The following FGF12 variants were observed in gnomAD, a reference collection of about 807,000 sequenced individuals.
FGF12 encodes the protein fibroblast growth factor 12, also known as fibroblast growth factor 12B.
In FGF12, 14 loss-of-function variants were observed where a neutral mutation model predicts 23.6. The ratio of observed to expected loss-of-function variants is 0.59; its 90% CI spans 0.39 to 0.93. The LOEUF is 0.93. Ranked by LOEUF, FGF12 falls within the 40% of genes least tolerant of loss-of-function variation. The pLI is 0.00. For missense variants in FGF12, 175 were observed against 217.8 expected (o/e 0.80, Z 1.24); for synonymous variants, 62 against 77.3 (o/e 0.80, Z 1.04).
chr3:192,483,685 G>A (rs985628017), intron 2 of FGF12, among the ~76,000 whole-genome samples: 3 of 152,136 alleles, frequency 2.0e-5, no homozygotes, highest in East Asian at 3.9e-4. Flanking sequence ...AAGTAGAAGT[G>A]TAGCTGAGGT....
intron 2 of FGF12, among the ~76,000 whole-genome samples, chr3:192,533,267 C>T (rs1271962526): frequency 6.6e-6 from 1 of 152,104 alleles, no homozygotes; most frequent in Middle Eastern, 3.2e-3. Context: ...ATCACTTCCC[C>T]CATAATTACT....
At chr3:192,349,173 A>C (rs1525909) in intron 3 of FGF12, among the ~76,000 whole-genome samples, 99,229 of 151,926 alleles carry the variant, frequency 0.65, 35,173 homozygotes, top group East Asian at 0.94. Context: ...ATAAGAAACT[A>C]CACTGCAATT....
At chr3:192,293,572 A>G (rs1011943886) in intron 4 of FGF12, among the ~76,000 whole-genome samples, 2 of 152,210 alleles carry the variant, frequency 1.3e-5, no homozygotes, top group African/African-American at 4.8e-5. Flanking sequence ...TCTTAAGAGA[A>G]TAATGCAGGT....
At chr3:192,507,374 CACACACAT>C (rs1207714431) in intron 2 of FGF12, among the ~76,000 whole-genome samples, 49 of 114,034 alleles carry the variant, frequency 4.3e-4, no homozygotes, top group African/African-American at 5.3e-4. Flanking sequence ...CACACACACA[CACACACAT>C]ACAAGCACAC....
At chr3:192,724,822 T>C (rs1317963247) in intron 2 of FGF12, among the ~76,000 whole-genome samples, 1 of 152,142 alleles carries the variant, frequency 6.6e-6, no homozygotes, top group Non-Finnish European at 1.5e-5. Context: ...ATGCTAGAGG[T>C]AATGTGAAAG....
At chr3:192,636,859 A>G (rs984501938) in intron 2 of FGF12, among the ~76,000 whole-genome samples, 38 of 152,216 alleles carry the variant, frequency 2.5e-4, no homozygotes, top group African/African-American at 8.9e-4. Context: ...GGATACAGTC[A>G]GTGTGGCCAG....
chr3:192,362,168 C>T lies in FGF12; in HGVS notation c.14-1630G>A, dbSNP rs189110994. Among the ~76,000 whole-genome samples the T allele has an allele frequency of 7.2e-5, 11 of 152,230 alleles. No homozygotes were observed. In the East Asian group the frequency reaches 1.9e-3, roughly 27 times the overall value. On this transcript the variant is annotated intron_variant, in intron 2 of 5. Coordinates refer to ENST00000445105, the MANE Select transcript of FGF12 (RefSeq NM_004113.6). The stretch of plus-strand genomic sequence containing the variant: ...CTTCAATGCATTTCCTCCATAGGCT[C>T]ATCTAATCCCACAACTATGGACAAG...
At chr3:192,529,514 T>C (rs1424300248) in intron 2 of FGF12, among the ~76,000 whole-genome samples, 1 of 152,226 alleles carries the variant, frequency 6.6e-6, no homozygotes, top group African/African-American at 2.4e-5. Context: ...TGTTACCCAG[T>C]TCCAAAGTTG....
intron 2 of FGF12, among the ~76,000 whole-genome samples, chr3:192,414,173 A>T (rs1721278173): frequency 6.6e-6 from 1 of 152,208 alleles, no homozygotes. Context: ...AGGTATTTTG[A>T]TAAGAAACAT....
chr3:192,397,200 T>G (rs1720561545), intron 2 of FGF12, among the ~76,000 whole-genome samples: 1 of 152,198 alleles, frequency 6.6e-6, no homozygotes, highest in Non-Finnish European at 1.5e-5. Context: ...AAACCAGAGC[T>G]GCAGAATGTG....
At chr3:192,426,963 T>C (rs1560107918) in intron 2 of FGF12, among the ~76,000 whole-genome samples, 1 of 152,190 alleles carries the variant, frequency 6.6e-6, no homozygotes, top group Non-Finnish European at 1.5e-5. Context: ...ATACGATTAT[T>C]TTGAGGTATA....
intron 2 of FGF12, among the ~76,000 whole-genome samples, chr3:192,414,411 C>T (rs562741203): frequency 6.6e-6 from 1 of 152,278 alleles, no homozygotes; most frequent in Non-Finnish European, 1.5e-5. Flanking sequence ...TCCAGAGTTT[C>T]CCTTTTACCT....
At chr3:192,269,258 G>A (rs1394017422) in intron 4 of FGF12, among the ~76,000 whole-genome samples, 2 of 152,056 alleles carry the variant, frequency 1.3e-5, no homozygotes, top group Admixed American at 6.6e-5. Context: ...CCACCCACTA[G>A]AACATAAAAG....
rs1423738741 is a variant in FGF12 at position 192,305,679 on chromosome 3, A to AAATATATATAT, written c.228+29681_228+29682insATATATATATT. ...AAGGTGGCTTAGGAAAAAAAAAAAA[A>AAATATATATAT]ATATATATATATATATAAATATATA... On this transcript the variant is annotated intron_variant, in intron 4 of 5. Coordinates refer to ENST00000445105, the MANE Select transcript of FGF12 (RefSeq NM_004113.6). Among the ~76,000 whole-genome samples, 25 of 131,932 alleles carry AAATATATATAT rather than the reference A, an allele frequency of 1.9e-4. No homozygotes were observed. In the South Asian group the frequency reaches 3.1e-3, roughly 17 times the overall value. The allele number at this position is 131,932 out of a possible 152,430, so 86.6% of individuals were successfully genotyped here.
intron 4 of FGF12, among the ~76,000 whole-genome samples, chr3:192,219,215 G>A (rs1718348718): frequency 6.6e-6 from 1 of 152,044 alleles, no homozygotes; most frequent in Admixed American, 6.6e-5. Flanking sequence ...CTCCCAAGTA[G>A]CTAGGACTAC....
At chr3:192,606,822 C>T (rs1485237733) in intron 2 of FGF12, among the ~76,000 whole-genome samples, 2 of 152,186 alleles carry the variant, frequency 1.3e-5, no homozygotes, top group Non-Finnish European at 2.9e-5. Flanking sequence ...TGGGAATTCC[C>T]TGCTCCACAC....
At chr3:192,621,091 C>T (rs1714959501) in intron 2 of FGF12, among the ~76,000 whole-genome samples, 1 of 152,058 alleles carries the variant, frequency 6.6e-6, no homozygotes, top group Non-Finnish European at 1.5e-5. Context: ...TCAAGCAATC[C>T]ATTGTTGACT....
chr3:192,209,725 G>T (rs1435026166), intron 4 of FGF12, among the ~76,000 whole-genome samples: 1 of 152,178 alleles, frequency 6.6e-6, no homozygotes, highest in Non-Finnish European at 1.5e-5. Context: ...AATCTTTGAA[G>T]TAACTCTGTA....
intron 4 of FGF12, among the ~76,000 whole-genome samples, chr3:192,214,981 G>C (rs552905455): frequency 6.6e-6 from 1 of 152,172 alleles, no homozygotes; most frequent in African/African-American, 2.4e-5. Flanking sequence ...CATGCTTTCA[G>C]CTCCCCCCAG....
Sources: allele counts gnomAD v4.1 joint callset (sites outside exome capture counted in the v4.1 genomes callset), GRCh38; gene constraint gnomAD v4.1.1; transcripts MANE v1.5; gene names NCBI Gene and HGNC (gene_info 2026-07-23, HGNC 2026-07-21).